MYO18B: variants seen among roughly 807,000 people sequenced by gnomAD.
MYO18B encodes the protein myosin XVIIIB, also known as unconventional myosin-XVIIIb.
Under a neutral mutation model 273.0 loss-of-function variants are expected in MYO18B, and 204 were observed. The ratio of observed to expected loss-of-function variants is 0.75; its 90% confidence interval spans 0.67 to 0.84. The LOEUF is 0.84. MYO18B is among the 40% of genes least tolerant of loss of function. The pLI is 0.00. For synonymous variants in MYO18B, 1,330 were observed against 1,305.7 expected (o/e 1.02, Z -0.40); for missense variants, 3,212 against 3,287.6 (o/e 0.98, Z 0.56).
rs1044350007 is a variant in MYO18B, at chr22:25,779,932, C to G, written c.2069-124C>G. 5.5e-6 allele frequency: 7 copies of G among 1,274,760 alleles called. No individual in the cohort carries two copies. The African/African-American group carries it at 1.1e-4, about 19-fold the overall frequency. 79.0% of individuals were successfully genotyped at this position (1,274,760 alleles called of 1,614,324 possible). On this transcript the variant is annotated intron_variant, in intron 8 of 43. Transcript: ENST00000335473. ...GGCAGGAAGCTCACAGGAAGCCCAC[C>G]GGGGGCTGAGGCCAGGATGGGGACT...
chr22:25,743,623 G>C (rs1383912134), intron 1 of MYO18B, among the ~76,000 whole-genome samples: 1 of 152,094 alleles, frequency 6.6e-6, no homozygotes, highest in Non-Finnish European at 1.5e-5. Flanking sequence ...GGAGGAAGAG[G>C]AGGAGGAGAG....
Position 25,828,808 on chromosome 22 carries a change from C to T in MYO18B, c.2819C>T (p.Ser940Phe). Residue 940 changes from serine (S) to phenylalanine (F), a missense_variant, in exon 15 of 44, where the codon TCC becomes TTC. By Grantham distance (155) the Ser-to-Phe change is radical (BLOSUM62 -2). Coordinates refer to ENST00000335473, the MANE Select transcript of MYO18B (RefSeq NM_032608.7). Reference sequence around the variant, plus strand: ...TCCTCCCACCATCTCTCCATGGCCTCCATCATGGTGGTGGACTCTCCAGGC... The same window carrying T: ...TCCTCCCACCATCTCTCCATGGCCTTCATCATGGTGGTGGACTCTCCAGGC... ...SFSSHHLSMA[S>F]IMVVDSPGFQ... 1 of 1,613,926 alleles carries T rather than the reference C, an allele frequency of 6.2e-7. No homozygotes were observed. The highest frequency in any genetic ancestry group is 8.5e-7 in the Non-Finnish European group (1 of 1,179,896).
In MYO18B at chr22:25,874,405, G is replaced by A; in HGVS notation, c.4071G>A (p.Lys1357=). Residue 1357 remains lysine, a synonymous_variant, in exon 23 of 44, where the codon AAG becomes AAA. Coordinates refer to ENST00000335473, the MANE Select transcript of MYO18B (RefSeq NM_032608.7). ...CKGFLSRQEF[K]KLKIRRLAAQ... is the part of the protein sequence containing the mutation. Reference sequence around the variant, plus strand: ...GCTTTCTGTCTCGCCAGGAATTCAAGAAGCTGAAGGTACTGCATGCCGTTC... The same window carrying A: ...GCTTTCTGTCTCGCCAGGAATTCAAAAAGCTGAAGGTACTGCATGCCGTTC... The A allele has an allele frequency of 6.2e-7, 1 of 1,613,656 alleles. No individual in the cohort carries two copies. Among genetic ancestry groups the A allele is most frequent in the Non-Finnish European group, 8.5e-7 (1 of 1,179,686 alleles).
chr22:25,824,866 C>T (rs1406231075), intron 13 of MYO18B, among the ~76,000 whole-genome samples: 3 of 151,792 alleles, frequency 2.0e-5, no homozygotes, highest in Non-Finnish European at 4.4e-5. Flanking sequence ...GAACACACCA[C>T]ACATATGCAC....
At chr22:25,759,088 G>A (rs1417654346) in intron 1 of MYO18B, among the ~76,000 whole-genome samples, 1 of 152,052 alleles carries the variant, frequency 6.6e-6, no homozygotes, top group Non-Finnish European at 1.5e-5. Flanking sequence ...AGATTGTGGT[G>A]ACAATTGCAC....
At chr22:25,835,487 G>A (rs758968506) in intron 17 of MYO18B, 44 bp downstream of exon 17, 1 of 1,610,136 alleles carries the variant, frequency 6.2e-7, no homozygotes, top group East Asian at 2.2e-5. Context: ...GTCCAGCCTG[G>A]GTATTAGAAT....
chr22:25,749,974 A>C (rs987700541), intron 1 of MYO18B, among the ~76,000 whole-genome samples: 5 of 152,208 alleles, frequency 3.3e-5, no homozygotes, highest in African/African-American at 1.2e-4. Flanking sequence ...TTACGTACTA[A>C]GTATGGCTGC....
Position 25,792,170 on chromosome 22 carries a change from G to A in MYO18B, c.2377-5783G>A, listed in dbSNP as rs367571845. Among the ~76,000 whole-genome samples the A allele has an allele frequency of 1.4e-3, 216 of 152,282 alleles. 9 individuals carry two copies. In the South Asian group the frequency reaches 0.043, roughly 30 times the overall value. On this transcript the variant is annotated intron_variant, in intron 11 of 43. Coordinates refer to ENST00000335473, the MANE Select transcript of MYO18B (RefSeq NM_032608.7). ...GGGGGCTCAGTGACACTTACTGACC[G>A]TGCCCTTCCCCAAATGGGTGGCCTT... is the stretch of plus-strand genomic sequence containing the variant.
In MYO18B at chr22:25,890,738, C is replaced by T. The variant is rs770861474; in HGVS notation, c.4315-18C>T. On this transcript the variant is annotated intron_variant, in intron 25 of 43. Transcript: ENST00000335473. ...CCATCGAGTGACCGTTCCTTGATCACCCCATTCCCCATCTCAGATTGCTGA... is the reference window on the plus strand; with the variant it reads ...CCATCGAGTGACCGTTCCTTGATCATCCCATTCCCCATCTCAGATTGCTGA... The T allele has an allele frequency of 1.2e-6, 2 of 1,613,482 alleles. No homozygotes were observed. Among genetic ancestry groups the T allele is most frequent in the Admixed American group, 1.7e-5 (1 of 59,986 alleles).
intron 33 of MYO18B, among the ~76,000 whole-genome samples, chr22:25,915,073 T>G (rs2092239991): frequency 6.6e-6 from 1 of 152,114 alleles, no homozygotes; most frequent in South Asian, 2.1e-4. Flanking sequence ...TACTTTCTAC[T>G]TCTTGTTTCT....
At position 25,805,663 on chromosome 22, in the gene MYO18B, C is replaced by T. The variant is rs532347062; in HGVS notation, c.2521+7566C>T. ...GGTTGGGTTACTTCAGTAGAGCTAC[C>T]GATGACCCTGTATGAGGGCAATTCC... On this transcript the variant is annotated intron_variant, in intron 12 of 43. Coordinates refer to ENST00000335473, the MANE Select transcript of MYO18B (RefSeq NM_032608.7). Among the ~76,000 whole-genome samples, 27 of 152,304 alleles carry T rather than the reference C, an allele frequency of 1.8e-4. No individual in the cohort carries two copies. In the South Asian group the frequency reaches 4.8e-3, roughly 27 times the overall value.
At chr22:25,754,127 T>C (rs2086032735) in intron 1 of MYO18B, among the ~76,000 whole-genome samples, 2 of 152,164 alleles carry the variant, frequency 1.3e-5, no homozygotes, top group Admixed American at 6.5e-5. Flanking sequence ...CTGGCCTTCA[T>C]AGGGGCTGCT....
chr22:25,896,619 A>AT (rs1395025414), intron 28 of MYO18B: 2 of 152,136 alleles, frequency 1.3e-5, no homozygotes, highest in African/African-American at 4.8e-5. Context: ...TATATAATAT[A>AT]TTTTTATCTA....
chr22:25,823,540 A>C lies in MYO18B; in HGVS notation c.2557A>C (p.Asn853His), dbSNP rs1422292697. 1 of 1,613,924 alleles carries C rather than the reference A, an allele frequency of 6.2e-7. No individual in the cohort carries two copies. The highest frequency in any genetic ancestry group is 2.2e-5 in the East Asian group (1 of 44,862). Residue 853 changes from asparagine to histidine, a missense_variant, in exon 13 of 44, where the codon AAC becomes CAC. Physicochemically the swap from Asn to His is moderately conservative, Grantham distance 68. Coordinates refer to ENST00000335473, the MANE Select transcript of MYO18B (RefSeq NM_032608.7). ...GCAGTTCATGAGGTTTGAGTGGGCA[A>C]ACTACGCAGCTGAGGCCCTGGGCTG... is the stretch of plus-strand genomic sequence containing the variant. Reference protein sequence around the residue: ...RKQFMRFEWANYAAEALGCEY... With the variant: ...RKQFMRFEWAHYAAEALGCEY...
chr22:25,966,082 CA>C (rs1157662842), intron 39 of MYO18B, among the ~76,000 whole-genome samples: 1 of 152,180 alleles, frequency 6.6e-6, no homozygotes, highest in Non-Finnish European at 1.5e-5. Context: ...AAGACTAAAA[CA>C]AGTAATTCAT....
At chr22:26,040,548 T>A in the MYO18B span, among the ~76,000 whole-genome samples, 15,269 of 152,026 alleles carry the variant, frequency 0.1, 903 homozygotes, top group Middle Eastern at 0.17. Context: ...AGGAGGAAAA[T>A]AAAGCTGTAG....
At chr22:25,886,875 T>A (rs899671194) in intron 25 of MYO18B, among the ~76,000 whole-genome samples, 2 of 152,202 alleles carry the variant, frequency 1.3e-5, no homozygotes, top group Admixed American at 6.5e-5. Context: ...CTCCCCAGTT[T>A]CCTGTTCTGT....
intron 39 of MYO18B, among the ~76,000 whole-genome samples, chr22:25,984,874 G>C (rs1013422572): frequency 2.6e-5 from 4 of 152,090 alleles, no homozygotes; most frequent in African/African-American, 9.7e-5. Context: ...GACAGCACTG[G>C]AATGAAACAC....
At position 25,946,563 on chromosome 22, in the gene MYO18B, C is replaced by T. The variant is rs2105945; in HGVS notation, c.5631+313C>T. ...CTCAACTGTGTGTTCCCATCTGCAA[C>T]GATAAGCAAGGAAGTCTGTTGTGGA... On this transcript the variant is annotated intron_variant, in intron 35 of 43. Transcript: ENST00000335473. Among the ~76,000 whole-genome samples, 98,318 of 152,018 alleles carry T rather than the reference C, an allele frequency of 0.65. 32,938 individuals carry two copies. The highest frequency in any genetic ancestry group is 0.75 in the Middle Eastern group (221 of 294).
Sources: gnomAD v4.1 joint callset for allele counts (sites outside exome capture counted in the v4.1 genomes callset) on GRCh38, gnomAD v4.1.1 for gene constraint, MANE v1.5 for transcripts, NCBI Gene and HGNC (gene_info 2026-07-23, HGNC 2026-07-21) for gene names.